The following CENPH variants were observed in gnomAD, a reference collection of about 807,000 sequenced individuals.
The protein encoded by CENPH is CENP-H.
Under a neutral mutation model 42.9 loss-of-function variants are expected in CENPH, and 40 were observed. That is an observed-to-expected ratio of 0.93 (90% CI 0.72 to 1.21). The LOEUF is 1.21. Among genes scored for constraint, CENPH ranks in the 50% most tolerant of loss-of-function variants. The pLI is 0.00. For missense variants in CENPH, 302 were observed against 292.9 expected (o/e 1.03, Z -0.23); for synonymous variants, 88 against 96.5 (o/e 0.91, Z 0.52).
intron 5 of CENPH, among the ~76,000 whole-genome samples, chr5:69,199,604 A>T (rs1748025728): frequency 6.6e-6 from 1 of 152,142 alleles, no homozygotes; most frequent in East Asian, 1.9e-4. Flanking sequence ...GAGGGGTCTG[A>T]TGTCTTATTG....
At chr5:69,202,385 A>G (rs887435508) in intron 5 of CENPH, 121 bp from the exon 6 acceptor site, 10 of 593,346 alleles carry the variant, frequency 1.7e-5, no homozygotes, top group Middle Eastern at 4.5e-4. Flanking sequence ...TTTTTATCCA[A>G]GTGTACGGTG....
chr5:69,194,842 G>T (rs1747937759), intron 3 of CENPH, 147 bp downstream of exon 3: 3 of 488,828 alleles, frequency 6.1e-6, no homozygotes, highest in Non-Finnish European at 1.1e-5. Flanking sequence ...AACCTCCTGG[G>T]CTCAAGGGAT....
intron 2 of CENPH, among the ~76,000 whole-genome samples, chr5:69,192,847 G>A (rs544938956): frequency 2.7e-4 from 41 of 151,976 alleles, no homozygotes; most frequent in South Asian, 6.2e-4. Context: ...CTGTAATCCC[G>A]GCACTTTGGG....
At chr5:69,200,457 T>G (rs1264535669) in intron 5 of CENPH, among the ~76,000 whole-genome samples, 2 of 152,226 alleles carry the variant, frequency 1.3e-5, no homozygotes, top group African/African-American at 4.8e-5. Flanking sequence ...CTTATAATCC[T>G]GTGCTGCCAG....
chr5:69,205,221 CT>C (rs1224842114), intron 7 of CENPH, among the ~76,000 whole-genome samples: 2 of 149,468 alleles, frequency 1.3e-5, no homozygotes, highest in South Asian at 4.3e-4. Context: ...CCTGGCCAAC[CT>C]TTTTTTGTTT....
intron 5 of CENPH, among the ~76,000 whole-genome samples, chr5:69,200,228 A>C (rs1456208327): frequency 6.6e-6 from 1 of 152,158 alleles, no homozygotes; most frequent in Non-Finnish European, 1.5e-5. Context: ...CTGGAATGCC[A>C]TTAGGCAGAA....
In CENPH at chr5:69,209,943, T is replaced by C. The variant is rs1748220108; in HGVS notation, c.*144T>C. ...TTGTAGTACAGTTGTGGTTAGTTAT[T>C]TGTAGTGGGATTGAAAGTAATTTTT... On this transcript the variant is annotated 3_prime_UTR_variant, in exon 9 of 9. Transcript: ENST00000283006. 1 of 450,246 alleles carries C rather than the reference T, an allele frequency of 2.2e-6. No individual in the cohort carries two copies. The highest frequency in any genetic ancestry group is 5.3e-5 in the South Asian group (1 of 18,774). The allele number at this position is 450,246 out of a possible 1,614,324, so 27.9% of individuals were successfully genotyped here.
rs776382802 is a variant in CENPH at position 69,195,780 on chromosome 5, T to A, written c.303T>A (p.Leu101=). 6.0e-6 allele frequency: 9 copies of A among 1,511,612 alleles called. No homozygotes were observed. The South Asian group carries it at 9.6e-5, about 16-fold the overall frequency. The allele number at this position is 1,511,612 out of a possible 1,614,324, so 93.6% of individuals were successfully genotyped here. A position where few individuals can be genotyped will look rare whatever the true frequency, so the allele number is the denominator to read the frequency against. The part of the protein sequence containing the change: ...EVKVAFEIKK[L]ALDRMRLSTA... Reference sequence around the variant, plus strand: ...AAGTTGCTTTTGAGATAAAAAAGCTTGCATTAGACAGGTAATTATTACATT... The same window carrying A: ...AAGTTGCTTTTGAGATAAAAAAGCTAGCATTAGACAGGTAATTATTACATT... Residue 101 remains leucine (L), a synonymous_variant, in exon 4 of 9, where the codon CTT becomes CTA. Transcript: ENST00000283006.
chr5:69,207,141 G>A (rs1218748861), intron 7 of CENPH, among the ~76,000 whole-genome samples: 1 of 151,424 alleles, frequency 6.6e-6, no homozygotes, highest in Non-Finnish European at 1.5e-5. Context: ...ACTATTTCCA[G>A]TAATACAAAA....
chr5:69,190,987 C>T (rs1436888382), intron 1 of CENPH, among the ~76,000 whole-genome samples: 3 of 151,960 alleles, frequency 2.0e-5, no homozygotes, highest in Non-Finnish European at 4.4e-5. Flanking sequence ...CCTCCTCACC[C>T]TTGCTGTCAT....
intron 2 of CENPH, among the ~76,000 whole-genome samples, chr5:69,193,905 G>A (rs966593410): frequency 2.0e-5 from 3 of 151,918 alleles, no homozygotes; most frequent in Non-Finnish European, 4.4e-5. Context: ...ACCTGCCTCG[G>A]CCTCCCAAAG....
intron 7 of CENPH, among the ~76,000 whole-genome samples, chr5:69,204,922 T>C (rs1342052720): frequency 4.2e-5 from 6 of 142,424 alleles, no homozygotes; most frequent in African/African-American, 1.6e-4. Context: ...TCTTTTTCTT[T>C]TTTTTTTTTT....
intron 5 of CENPH, among the ~76,000 whole-genome samples, chr5:69,200,881 A>G (rs1748049591): frequency 6.6e-6 from 1 of 151,160 alleles, no homozygotes; most frequent in Non-Finnish European, 1.5e-5. Flanking sequence ...GGGATTACAG[A>G]CACACACCAT....
chr5:69,206,784 G>T (rs1003509492), intron 7 of CENPH, among the ~76,000 whole-genome samples: 1 of 152,144 alleles, frequency 6.6e-6, no homozygotes, highest in African/African-American at 2.4e-5. Context: ...ATGAGTCACT[G>T]CACCCTGCTC....
chr5:69,197,135 C>T (rs1747977316), intron 5 of CENPH, 26 bp downstream of exon 5: 3 of 1,463,700 alleles, frequency 2.0e-6, no homozygotes, highest in Non-Finnish European at 2.8e-6. Flanking sequence ...TCTCTGGATT[C>T]GGTAAGGATG....
intron 3 of CENPH, among the ~76,000 whole-genome samples, chr5:69,194,918 CTT>C (rs869047885): frequency 0.16 from 21,402 of 135,826 alleles, 1,686 homozygotes; most frequent in African/African-American, 0.21. Context: ...GACTTTCTTT[CTT>C]TTTTTTTTTT....
chr5:69,191,892 TG>T (rs1561320600), intron 2 of CENPH, 42 bp downstream of exon 2: 1 of 1,236,924 alleles, frequency 8.1e-7, no homozygotes, highest in Non-Finnish European at 1.2e-6. Flanking sequence ...GTTGTTTGTT[TG>T]TTTGTTTTTT....
chr5:69,202,528 C>A lies in CENPH; in HGVS notation c.394C>A (p.His132Asn). 1 of 1,568,240 alleles carries A rather than the reference C, an allele frequency of 6.4e-7. No homozygotes were observed. Among genetic ancestry groups the A allele is most frequent in the Non-Finnish European group, 8.7e-7 (1 of 1,143,468 alleles). The change falls in exon 6 of 9, where the codon CAC becomes AAC. Residue 132 changes from histidine (H) to asparagine (N), a missense_variant. Transcript: ENST00000283006. ...QSSVLMDNMK[H>N]LLELNKLIMK... Reference sequence around the variant, plus strand: ...CAGTGTGCTCATGGATAACATGAAACACCTATTAGAGCTAAATAAATTAAT... The same window carrying A: ...CAGTGTGCTCATGGATAACATGAAAAACCTATTAGAGCTAAATAAATTAAT...
intron 7 of CENPH, among the ~76,000 whole-genome samples, chr5:69,204,926 T>C (rs1748125982): frequency 6.9e-6 from 1 of 144,496 alleles, no homozygotes; most frequent in Non-Finnish European, 1.5e-5. Context: ...TTTCTTTTTT[T>C]TTTTTTTTTT....
Sources: allele counts gnomAD v4.1 joint callset (sites outside exome capture counted in the v4.1 genomes callset), GRCh38; gene constraint gnomAD v4.1.1; transcripts MANE v1.5; gene names NCBI Gene and HGNC (gene_info 2026-07-23, HGNC 2026-07-21).